The following LAMA3 variants were observed in gnomAD, a reference collection of about 807,000 sequenced individuals.
LAMA3 encodes the protein laminin subunit alpha 3.
A neutral mutation model predicts 402.0 loss-of-function variants in LAMA3; 281 were observed. That is an observed-to-expected ratio of 0.70 (90% CI 0.63 to 0.77). LAMA3 has a LOEUF of 0.77. LAMA3 is among the 30% of genes least tolerant of loss of function. The pLI is 0.00. For synonymous variants in LAMA3, 1,431 were observed against 1,558.4 expected, an observed-to-expected ratio of 0.92 and a Z score of 1.93; for missense variants, 3,840 against 4,215.5, an observed-to-expected ratio of 0.91 and a Z score of 2.47.
chr18:23,879,863 CAG>C lies in LAMA3; in HGVS notation c.5113-2070_5113-2069del, dbSNP rs2144898709. 6.6e-6 allele frequency among the ~76,000 whole-genome samples: 1 copy of C among 152,320 alleles called. No individual in the cohort carries two copies. The highest frequency in any genetic ancestry group is 6.5e-5 in the Admixed American group (1 of 15,298). ...CTCACCCCTGTGAAGGACCAGTACT[CAG>C]AGTGATTTTAGTAGGATACGGATGT... On this transcript the variant is annotated intron_variant, in intron 39 of 74. Transcript: ENST00000313654. The surrounding 1 kb of genome is among the most constrained non-coding windows in gnomAD (Gnocchi z 4.2).
Position 23,847,521 on chromosome 18 carries a change from C to T in LAMA3, c.3989C>T (p.Pro1330Leu). Residue 1330 changes from proline (P) to leucine (L), a missense_variant, in exon 32 of 75, where the codon CCC (proline) becomes CTC (leucine). By Grantham distance (98) the Pro-to-Leu change is moderately conservative (BLOSUM62 -3). Transcript: ENST00000313654. ...EEMTGQCRCPPRTVRPQCEVC... is the reference protein window; with the variant it reads ...EEMTGQCRCPLRTVRPQCEVC... The stretch of plus-strand genomic sequence containing the variant: ...ATGACGGGGCAGTGCCGCTGCCCTC[C>T]CCGCACGGTCAGGCCCCAGTGTGAG... 2 of 1,613,992 alleles carry T rather than the reference C, an allele frequency of 1.2e-6. No individual in the cohort carries two copies. The highest frequency in any genetic ancestry group is 1.7e-6 in the Non-Finnish European group (2 of 1,180,038).
At chr18:23,775,954 C>G in intron 10 of LAMA3, 31 bp downstream of exon 10, 10 of 1,613,644 alleles carry the variant, frequency 6.2e-6, no homozygotes, top group Non-Finnish European at 8.5e-6. Flanking sequence ...AAGAGGCCAC[C>G]CTTTTTGGTC....
At chr18:23,903,177 T>A (rs2081131391) in intron 49 of LAMA3, 52 bp downstream of exon 49, 1 of 1,150,754 alleles carries the variant, frequency 8.7e-7, no homozygotes, top group Admixed American at 1.7e-5. Flanking sequence ...TTAATTATAT[T>A]GTGAGAAAAC....
chr18:23,817,110 TG>T (rs1266536003), intron 18 of LAMA3, among the ~76,000 whole-genome samples: 1 of 151,950 alleles, frequency 6.6e-6, no homozygotes, highest in Non-Finnish European at 1.5e-5. Flanking sequence ...ACTTTGGAAG[TG>T]GGGAAGAAGT....
At chr18:23,872,196 TC>T (rs2064544906) in intron 38 of LAMA3, among the ~76,000 whole-genome samples, 1 of 152,196 alleles carries the variant, frequency 6.6e-6, no homozygotes, top group Non-Finnish European at 1.5e-5. Context: ...CTTTCTCTAA[TC>T]CGGAGCCTCC....
At chr18:23,926,309 C>G (rs2082000893) in intron 62 of LAMA3, among the ~76,000 whole-genome samples, 1 of 152,226 alleles carries the variant, frequency 6.6e-6, no homozygotes, top group Non-Finnish European at 1.5e-5. Context: ...CTGCAACCTT[C>G]TTTCTTTGAC....
chr18:23,751,184 C>T, intron 5 of LAMA3, 96 bp downstream of exon 5: 1 of 1,161,882 alleles, frequency 8.6e-7, no homozygotes, highest in East Asian at 2.4e-5. Flanking sequence ...ACCTTTATAG[C>T]CTGTAATGAT....
intron 12 of LAMA3, among the ~76,000 whole-genome samples, chr18:23,791,315 C>A (rs2062648410): frequency 6.6e-6 from 1 of 152,316 alleles, no homozygotes; most frequent in Admixed American, 6.5e-5. Flanking sequence ...ACCTTACCAG[C>A]AAGCTACCTA....
At chr18:23,722,745 CT>C (rs918454787) in intron 2 of LAMA3, among the ~76,000 whole-genome samples, 3 of 152,184 alleles carry the variant, frequency 2.0e-5, no homozygotes, top group Admixed American at 2.0e-4. Flanking sequence ...AAAACACTTT[CT>C]TCTGGAATGT....
At chr18:23,915,224 A>G in intron 58 of LAMA3, 65 bp from the exon 59 acceptor site, 1 of 1,545,906 alleles carries the variant, frequency 6.5e-7, no homozygotes, top group Non-Finnish European at 8.9e-7. Context: ...AAAAGTGATT[A>G]ATTGATACTA....
chr18:23,935,193 G>T (rs73967638), intron 67 of LAMA3, among the ~76,000 whole-genome samples: 3,794 of 152,324 alleles, frequency 0.025, 157 homozygotes, highest in African/African-American at 0.088. Context: ...GGAGAGGCAG[G>T]AGTTAAAATA....
At position 23,900,397 on chromosome 18, in the gene LAMA3, T is replaced by C. The variant is rs114047112; in HGVS notation, c.6005-730T>C. 6.9e-3 allele frequency among the ~76,000 whole-genome samples: 1,047 copies of C among 152,300 alleles called. 18 individuals carry two copies. Among genetic ancestry groups the C allele is most frequent in the African/African-American group, 0.024 (994 of 41,552 alleles). On this transcript the variant is annotated intron_variant, in intron 47 of 74. Coordinates refer to ENST00000313654, the MANE Select transcript of LAMA3 (RefSeq NM_198129.4). ...CTGAAATGAACTTTTGACTGCATTT[T>C]GACTGCAACCTGTCACATGAGGTCA...
At chr18:23,911,631 G>A (rs1441997866) in intron 55 of LAMA3, among the ~76,000 whole-genome samples, 2 of 151,534 alleles carry the variant, frequency 1.3e-5, no homozygotes, top group Non-Finnish European at 2.9e-5. Flanking sequence ...GAGAGCTCAA[G>A]AAGCGCTATT....
At chr18:23,772,964 A>G (rs142860436) in intron 8 of LAMA3, among the ~76,000 whole-genome samples, 3 of 152,386 alleles carry the variant, frequency 2.0e-5, no homozygotes, top group South Asian at 2.1e-4. Flanking sequence ...TATGAGACTC[A>G]TGCCTCCATT....
chr18:23,942,868 A>G (rs754935830), intron 68 of LAMA3, among the ~76,000 whole-genome samples: 8 of 152,104 alleles, frequency 5.3e-5, no homozygotes, highest in Non-Finnish European at 1.2e-4. Context: ...TAGTGCTGAG[A>G]TTACAGGCGT....
chr18:23,809,265 C>T (rs2063021378), intron 12 of LAMA3, among the ~76,000 whole-genome samples: 1 of 152,218 alleles, frequency 6.6e-6, no homozygotes, highest in African/African-American at 2.4e-5. Flanking sequence ...AGAAGCTAAG[C>T]AACTAGCCGT....
chr18:23,952,963 T>C (rs751803654), intron 73 of LAMA3, 27 bp from the exon 74 acceptor site: 2 of 1,613,728 alleles, frequency 1.2e-6, no homozygotes, highest in East Asian at 2.2e-5. Flanking sequence ...CCTCCGATGA[T>C]AGACCTAACC....
intron 11 of LAMA3, 130 bp from the exon 12 acceptor site, chr18:23,783,893 C>A (rs1032627332): frequency 1.6e-6 from 2 of 1,238,158 alleles, no homozygotes; most frequent in Non-Finnish European, 2.4e-6. Context: ...TAGTCTTCTG[C>A]GTTAAGAATG....
intron 1 of LAMA3, among the ~76,000 whole-genome samples, chr18:23,703,314 G>A (rs190012019): frequency 5.8e-4 from 88 of 152,282 alleles, no homozygotes; most frequent in African/African-American, 2.1e-3. Context: ...AAACCACTGC[G>A]TAAGATAGGC....
Sources: gnomAD v4.1 joint callset for allele counts (sites outside exome capture counted in the v4.1 genomes callset) on GRCh38, gnomAD v4.1.1 for gene constraint, Gnocchi (gnomAD v3.1) non-coding constraint, MANE v1.5 for transcripts, NCBI Gene and HGNC (gene_info 2026-07-23, HGNC 2026-07-21) for gene names.